PLPPR3: variants seen among roughly 807,000 people sequenced by gnomAD.
PLPPR3 encodes phospholipid phosphatase related 3.
A neutral mutation model predicts 27.3 loss-of-function variants in PLPPR3; 14 were observed. The observed-to-expected ratio is 0.51, with a 90% CI of 0.34 to 0.80. The LOEUF (loss-of-function observed/expected upper bound fraction) is 0.80. PLPPR3 is among the 30% of genes least tolerant of loss of function. PLPPR3 has a pLI of 0.01. For missense variants in PLPPR3, 1,287 were observed against 1,056.9 expected (o/e 1.22, Z -3.02); for synonymous variants, 671 against 508.0 (o/e 1.32, Z -4.32).
chr19:814,067 G>C (rs1323107895), intron 7 of PLPPR3, among the ~76,000 whole-genome samples, 172 bp from the exon 8 acceptor site: 1 of 152,044 alleles, frequency 6.6e-6, no homozygotes, highest in Non-Finnish European at 1.5e-5. Flanking sequence ...GGGCAGGTCT[G>C]AGCCCACGGG....
chr19:821,619 C>T (rs1052774262), intron 1 of PLPPR3, 34 bp from the exon 2 acceptor site: 22 of 1,322,894 alleles, frequency 1.7e-5, no homozygotes, highest in Admixed American at 1.4e-4. Context: ...GAGGGGGGCG[C>T]GCAGGCGGAG....
chr19:813,196 T>C lies in PLPPR3; in HGVS notation c.1531A>G (p.Ser511Gly). 6.6e-7 allele frequency: 1 copy of C among 1,507,510 alleles called. No homozygotes were observed. The highest frequency in any genetic ancestry group is 2.7e-5 in the East Asian group (1 of 37,118). The allele number at this position is 1,507,510 out of a possible 1,614,324, so 93.4% of individuals were successfully genotyped here. ...AQTGAGLSPK[S>G]GAGVRAKWLM... ...CACTTGGCGCGCACCCCGGCGCCGC[T>C]TTTGGGGGACAGGCCGGCCCCCGTC... is the stretch of plus-strand genomic sequence containing the variant. Residue 511 changes from serine (S) to glycine (G), a missense_variant, in exon 8 of 8, where the codon AGC becomes GGC. Physicochemically the swap from Ser to Gly is moderately conservative, Grantham distance 56. Transcript: ENST00000520876. The surrounding 1 kb of genome is among the most constrained non-coding windows in gnomAD (Gnocchi z 4.1).
At chr19:818,254 G>A (rs1292416416) in intron 2 of PLPPR3, among the ~76,000 whole-genome samples, 2 of 151,956 alleles carry the variant, frequency 1.3e-5, no homozygotes, top group African/African-American at 2.4e-5. Context: ...GTGGTGGTGC[G>A]TGCCTGTAGT....
Position 813,994 on chromosome 19 carries a change from G to A in PLPPR3, c.832-99C>T. On this transcript the variant is annotated intron_variant, in intron 7 of 7. Coordinates refer to ENST00000520876, the MANE Select transcript of PLPPR3 (RefSeq NM_001270366.2). This position sits in a 1 kb window ranked among gnomAD's most constrained non-coding sequence, Gnocchi z 4.1. Reference sequence around the variant, plus strand: ...GCGGGGGGCTCTGGACCGGGGGTGGGGGCTGGCAAGCTCTTGTCCAGTGGG... The same window carrying A: ...GCGGGGGGCTCTGGACCGGGGGTGGAGGCTGGCAAGCTCTTGTCCAGTGGG... 1.7e-6 allele frequency: 2 copies of A among 1,193,680 alleles called. No homozygotes were observed. The highest frequency in any genetic ancestry group is 1.7e-5 in the South Asian group (1 of 59,644). The allele number at this position is 1,193,680 out of a possible 1,614,324, so 73.9% of individuals were successfully genotyped here.
rs1480698090 is a variant in PLPPR3, at chr19:815,840, C to T, written c.87G>A (p.Val29=). Residue 29 remains valine, a synonymous_variant, in exon 3 of 8, where the codon GTG becomes GTA. Coordinates refer to ENST00000520876, the MANE Select transcript of PLPPR3 (RefSeq NM_001270366.2). Reference sequence around the variant, plus strand: ...AGTACAAGGATACGATGGAAGAAGCCACTATGGGCAGCTGTGGGGACAAGG... The same window carrying T: ...AGTACAAGGATACGATGGAAGAAGCTACTATGGGCAGCTGTGGGGACAAGG... ...PCFYFVELPI[V]ASSIVSLYFL... is the part of the protein sequence containing the mutation. 4 of 1,612,428 alleles carry T rather than the reference C, an allele frequency of 2.5e-6. No homozygotes were observed. The highest frequency in any genetic ancestry group is 3.4e-6 in the Non-Finnish European group (4 of 1,179,784).
At chr19:814,344 C>G in intron 7 of PLPPR3, 90 bp downstream of exon 7, 1 of 1,313,316 alleles carries the variant, frequency 7.6e-7, no homozygotes, top group Non-Finnish European at 1.0e-6. Context: ...CCTGGGCCAG[C>G]CTCCCCACTC....
intron 2 of PLPPR3, among the ~76,000 whole-genome samples, chr19:817,280 G>A (rs529903257): frequency 1.1e-4 from 17 of 151,860 alleles, no homozygotes; most frequent in African/African-American, 3.9e-4. Context: ...ACCCAGCCAT[G>A]GCCTCAAGCC....
intron 2 of PLPPR3, 29 bp downstream of exon 2, chr19:821,456 C>A (rs763791316): frequency 2.0e-6 from 3 of 1,504,048 alleles, no homozygotes; most frequent in Middle Eastern, 3.6e-4. Context: ...GAGGCGTCTC[C>A]CCCGGGCCCC....
rs987939320 is a variant in PLPPR3 at position 814,414 on chromosome 19, C to T, written c.831+20G>A. The T allele has an allele frequency of 3.2e-6, 5 of 1,584,182 alleles. No individual in the cohort carries two copies. The highest frequency in any genetic ancestry group is 1.7e-5 in the Admixed American group (1 of 59,012). On this transcript the variant is annotated intron_variant, in intron 7 of 7. Transcript: ENST00000520876. ...TCCCCTGGGAACCCATGCCGACCCCCATCAGAACCTGCCACTCACCAGGTA... is the reference window on the plus strand; with the variant it reads ...TCCCCTGGGAACCCATGCCGACCCCTATCAGAACCTGCCACTCACCAGGTA...
Position 815,206 on chromosome 19 carries a change from C to A in PLPPR3, c.383G>T (p.Arg128Leu). 6.2e-7 allele frequency: 1 copy of A among 1,602,790 alleles called. No homozygotes were observed. Among genetic ancestry groups the A allele is most frequent in the Non-Finnish European group, 8.5e-7 (1 of 1,177,694 alleles). ...AGGCNFNSFL[R>L]RTVRFVGVHV... ...CTCACCCACAAACCGCACCGTACGCCGCAGGAAGGAGTTGAAGTTGCAGCC... is the reference window on the plus strand; with the variant it reads ...CTCACCCACAAACCGCACCGTACGCAGCAGGAAGGAGTTGAAGTTGCAGCC... The change falls in exon 4 of 8, where the codon CGG (arginine) becomes CTG (leucine). Residue 128 changes from arginine (R) to leucine (L), a missense_variant. Coordinates refer to ENST00000520876, the MANE Select transcript of PLPPR3 (RefSeq NM_001270366.2).
upstream of PLPPR3, among the ~76,000 whole-genome samples, chr19:823,449 A>AAAAAAAACAAAC (rs1555703860): frequency 4.2e-5 from 6 of 141,834 alleles, no homozygotes; most frequent in East Asian, 8.0e-4. Flanking sequence ...CTCAAAAAAA[A>AAAAAAAACAAAC]AAAAAAAAAC....
intron 1 of PLPPR3, 47 bp from the exon 2 acceptor site, chr19:821,632 C>T (rs2035147953): frequency 1.1e-6 from 1 of 891,210 alleles, no homozygotes; most frequent in Non-Finnish European, 1.5e-6. Flanking sequence ...AGGCGGAGCC[C>T]GGGGGAGACA....
chr19:821,035 A>G (rs1388093450), intron 2 of PLPPR3, among the ~76,000 whole-genome samples: 3 of 152,220 alleles, frequency 2.0e-5, no homozygotes, highest in Non-Finnish European at 4.4e-5. Flanking sequence ...AATTCCTATC[A>G]GCTCCAGGAG....
In PLPPR3 at chr19:815,296, A is replaced by G. The variant is rs757157840; in HGVS notation, c.293T>C (p.Leu98Pro). Residue 98 changes from leucine (L) to proline (P), a missense_variant, in exon 4 of 8, where the codon CTG becomes CCG. Physicochemically the swap from Leu to Pro is moderately conservative, Grantham distance 98. Coordinates refer to ENST00000520876, the MANE Select transcript of PLPPR3 (RefSeq NM_001270366.2). Reference protein sequence around the residue: ...IMVAEGMLYCLQSRLWGRAGG... With the variant: ...IMVAEGMLYCPQSRLWGRAGG... ...GGCACGGCCCCACAGCCGGGACTGC[A>G]GACAGTACAACATGCCCTCGGCCAC... 15 of 1,549,880 alleles carry G rather than the reference A, an allele frequency of 9.7e-6. No individual in the cohort carries two copies. The highest frequency in any genetic ancestry group is 1.7e-4 in the Middle Eastern group (1 of 5,954).
At chr19:822,238 CT>C (rs2035160106), upstream of PLPPR3, among the ~76,000 whole-genome samples, 1 of 151,744 alleles carries the variant, frequency 6.6e-6, no homozygotes, top group Admixed American at 6.5e-5. Flanking sequence ...CGGTCCCGTC[CT>C]CCCCTCCCGG....
chr19:823,210 G>T (rs1285034018), upstream of PLPPR3, among the ~76,000 whole-genome samples: 1 of 152,112 alleles, frequency 6.6e-6, no homozygotes, highest in Non-Finnish European at 1.5e-5. Context: ...GGGAGGCAGA[G>T]GCGGGAGGAT....
At chr19:814,073 A>G (rs1257031084) in intron 7 of PLPPR3, among the ~76,000 whole-genome samples, 178 bp from the exon 8 acceptor site, 2 of 152,000 alleles carry the variant, frequency 1.3e-5, no homozygotes, top group African/African-American at 4.8e-5. Flanking sequence ...GTCTGAGCCC[A>G]CGGGATTCTG....
Position 812,612 on chromosome 19 carries a change from C to T in PLPPR3, c.2115G>A (p.Glu705=), listed in dbSNP as rs1208756399. Reference sequence around the variant, plus strand: ...GCGCCTGCATCTTGCGGAAGTAGCCCTCGGCCTCCGCCTCCGCCTCGCGCT... The same window carrying T: ...GCGCCTGCATCTTGCGGAAGTAGCCTTCGGCCTCCGCCTCCGCCTCGCGCT... ...LAEREAEAEA[E]GYFRKMQARR... The change falls in exon 8 of 8, where the codon GAG becomes GAA. Residue 705 remains glutamate, a synonymous_variant. Coordinates refer to ENST00000520876, the MANE Select transcript of PLPPR3 (RefSeq NM_001270366.2). The T allele has an allele frequency of 1.8e-6, 2 of 1,122,190 alleles. No homozygotes were observed. The highest frequency in any genetic ancestry group is 2.2e-6 in the Non-Finnish European group (2 of 905,904). The allele number at this position is 1,122,190 out of a possible 1,614,324, so 69.5% of individuals were successfully genotyped here.
rs756868110 is a variant in PLPPR3, at chr19:813,595, G to A, written c.1132C>T (p.Pro378Ser). The A allele has an allele frequency of 1.9e-6, 3 of 1,549,354 alleles. No individual in the cohort carries two copies. Among genetic ancestry groups the A allele is most frequent in the Admixed American group, 3.9e-5 (2 of 51,664 alleles). Reference protein sequence around the residue: ...ENMVTFSHTLPRASAPSLDDP... With the variant: ...ENMVTFSHTLSRASAPSLDDP... ...TCCAGCGAGGGCGCGCTGGCCCTGGGCAGCGTGTGGCTGAAGGTCACCATG... is the reference window on the plus strand; with the variant it reads ...TCCAGCGAGGGCGCGCTGGCCCTGGACAGCGTGTGGCTGAAGGTCACCATG... Residue 378 changes from proline (P) to serine (S), a missense_variant, in exon 8 of 8, where the codon CCC becomes TCC. Pro to Ser is a moderately conservative substitution (Grantham distance 74, BLOSUM62 -1). Coordinates refer to ENST00000520876, the MANE Select transcript of PLPPR3 (RefSeq NM_001270366.2). The surrounding 1 kb of genome is among the most constrained non-coding windows in gnomAD (Gnocchi z 4.1).
Sources: allele counts gnomAD v4.1 joint callset (sites outside exome capture counted in the v4.1 genomes callset), GRCh38; gene constraint gnomAD v4.1.1; non-coding constraint Gnocchi (gnomAD v3.1); transcripts MANE v1.5; gene names NCBI Gene and HGNC (gene_info 2026-07-23, HGNC 2026-07-21).